VPS26C: variants seen among roughly 807,000 people sequenced by gnomAD.
VPS26C encodes vacuolar protein sorting-associated protein 26C.
Under a neutral mutation model 30.6 loss-of-function variants are expected in VPS26C, and 19 were observed. The observed-to-expected ratio is 0.62, with a 90% CI of 0.43 to 0.91. VPS26C has a LOEUF of 0.91. VPS26C is among the 40% of genes least tolerant of loss of function. The pLI is 0.00. For missense variants in VPS26C, 318 were observed against 385.1 expected, an observed-to-expected ratio of 0.83 and a Z score of 1.46; for synonymous variants, 132 against 151.5, an observed-to-expected ratio of 0.87 and a Z score of 0.95.
At chr21:37,260,002 T>G (rs894673215) in intron 1 of VPS26C, among the ~76,000 whole-genome samples, 1 of 152,216 alleles carries the variant, frequency 6.6e-6, no homozygotes, top group Non-Finnish European at 1.5e-5. Context: ...ATTTAATTTT[T>G]AAAATACAAC....
rs1602286057 is a variant in VPS26C, at chr21:37,257,490, G to A, written c.57+9748C>T. ...TTTTCTGAACGGAAGCTTAAACCTA[G>A]AAAAGTAACTGGGTTGGGGTGGGGG... On this transcript the variant is annotated intron_variant, in intron 1 of 7. Coordinates refer to ENST00000309117, the MANE Select transcript of VPS26C (RefSeq NM_006052.2). The surrounding 1 kb of genome is among the most constrained non-coding windows in gnomAD (Gnocchi z 4.2). 1.3e-5 allele frequency among the ~76,000 whole-genome samples: 2 copies of A among 152,218 alleles called. No homozygotes were observed. Among genetic ancestry groups the A allele is most frequent in the Admixed American group, 1.3e-4 (2 of 15,286 alleles).
chr21:37,235,061 C>T (rs561494122), intron 3 of VPS26C, among the ~76,000 whole-genome samples: 117 of 151,662 alleles, frequency 7.7e-4, no homozygotes, highest in African/African-American at 1.9e-3. Flanking sequence ...GGCTGGAGTG[C>T]GATGGCGTGA....
intron 3 of VPS26C, among the ~76,000 whole-genome samples, chr21:37,236,973 A>G (rs1219127044): frequency 6.6e-6 from 1 of 152,146 alleles, no homozygotes; most frequent in Non-Finnish European, 1.5e-5. Flanking sequence ...TAGAGATGAG[A>G]TCTTGCGTTG....
rs1167021756 is a variant in VPS26C, at chr21:37,223,884, G to A, written c.*1660C>T. On this transcript the variant is annotated 3_prime_UTR_variant, in exon 8 of 8. Coordinates refer to ENST00000309117, the MANE Select transcript of VPS26C (RefSeq NM_006052.2). ...ATGAAAAGTACAAAAGAAGGCTAGT[G>A]TGTGTGCAAAGCAGCATGGCTTATT... 1 of 152,232 alleles carries A rather than the reference G, an allele frequency of 6.6e-6. No homozygotes were observed. The highest frequency in any genetic ancestry group is 1.5e-5 in the Non-Finnish European group (1 of 68,040). The allele number at this position is 152,232 out of a possible 1,614,324, so 9.4% of individuals were successfully genotyped here.
intron 1 of VPS26C, among the ~76,000 whole-genome samples, chr21:37,265,335 A>G (rs545115304): frequency 6.6e-5 from 10 of 152,354 alleles, no homozygotes; most frequent in Non-Finnish European, 1.3e-4. Context: ...AGACCCATGT[A>G]GCTTTTAACT....
chr21:37,252,609 A>G lies in VPS26C; in HGVS notation c.58-11970T>C, dbSNP rs539726171. 2.0e-5 allele frequency among the ~76,000 whole-genome samples: 3 copies of G among 152,342 alleles called. No individual in the cohort carries two copies. In the East Asian group the frequency reaches 5.8e-4, roughly 29 times the overall value. ...TTCCTAGATTTTAAAACCCAAGTGA[A>G]ATGAAAGCTATGTTCACACAAAAAT... On this transcript the variant is annotated intron_variant, in intron 1 of 7. Coordinates refer to ENST00000309117, the MANE Select transcript of VPS26C (RefSeq NM_006052.2).
chr21:37,258,198 C>T (rs1041655714), intron 1 of VPS26C, among the ~76,000 whole-genome samples: 2 of 152,230 alleles, frequency 1.3e-5, no homozygotes, highest in African/African-American at 4.8e-5. Flanking sequence ...GCCTCCGCCC[C>T]GGCGTCCGGC....
At chr21:37,246,324 C>A (rs1260549984) in intron 1 of VPS26C, among the ~76,000 whole-genome samples, 1 of 151,976 alleles carries the variant, frequency 6.6e-6, no homozygotes, top group Non-Finnish European at 1.5e-5. Flanking sequence ...AATGATACAA[C>A]AATGCTCAAG....
In VPS26C at chr21:37,225,453, T is replaced by C; in HGVS notation, c.*91A>G. 4 of 1,079,324 alleles carry C rather than the reference T, an allele frequency of 3.7e-6. No homozygotes were observed. The highest frequency in any genetic ancestry group is 2.1e-4 in the Middle Eastern group (1 of 4,878). The allele number at this position is 1,079,324 out of a possible 1,614,324, so 66.9% of individuals were successfully genotyped here. A position where few individuals can be genotyped will look rare whatever the true frequency, so the allele number is the denominator to read the frequency against. On this transcript the variant is annotated 3_prime_UTR_variant, in exon 8 of 8. Transcript: ENST00000309117. Reference sequence around the variant, plus strand: ...TACAGAATAATCACAAAAACAAGTATATGCCGCTGGCTGTAGCTCCCCTTA... The same window carrying C: ...TACAGAATAATCACAAAAACAAGTACATGCCGCTGGCTGTAGCTCCCCTTA...
At position 37,225,519 on chromosome 21, in the gene VPS26C, G is replaced by A. The variant is rs748186046; in HGVS notation, c.*25C>T. The A allele has an allele frequency of 3.9e-5, 63 of 1,605,962 alleles. No homozygotes were observed. Among genetic ancestry groups the A allele is most frequent in the South Asian group, 2.2e-4 (20 of 90,886 alleles). On this transcript the variant is annotated 3_prime_UTR_variant, in exon 8 of 8. Coordinates refer to ENST00000309117, the MANE Select transcript of VPS26C (RefSeq NM_006052.2). ...GCTGGATTTCCAGATGGCCACTCCC[G>A]TTCTCTATGCTTCCCTCCTCCGGGC...
chr21:37,235,339 G>A (rs2086008902), intron 3 of VPS26C, among the ~76,000 whole-genome samples: 1 of 151,926 alleles, frequency 6.6e-6, no homozygotes, highest in Non-Finnish European at 1.5e-5. Context: ...TCACCATGTT[G>A]GCCAGGCTGG....
intron 1 of VPS26C, among the ~76,000 whole-genome samples, chr21:37,253,998 G>A (rs910568988): frequency 6.6e-6 from 1 of 152,130 alleles, no homozygotes; most frequent in African/African-American, 2.4e-5. Context: ...CATTCGTTTG[G>A]AACTACTGGC....
rs1446954180 is a variant in VPS26C, at chr21:37,225,311, G to A, written c.*233C>T. 1.8e-6 allele frequency: 1 copy of A among 555,836 alleles called. No homozygotes were observed. Among genetic ancestry groups the A allele is most frequent in the African/African-American group, 1.9e-5 (1 of 53,300 alleles). The allele number at this position is 555,836 out of a possible 1,614,324, so 34.4% of individuals were successfully genotyped here. ...TTCTGTGAAATGGTCTTGGCAAATA[G>A]CATTAAGAAATCTTGTTGAATTTCA... On this transcript the variant is annotated 3_prime_UTR_variant, in exon 8 of 8. Transcript: ENST00000309117.
At chr21:37,238,399 C>T (rs993045931) in intron 3 of VPS26C, 61 bp downstream of exon 3, 1 of 1,574,498 alleles carries the variant, frequency 6.4e-7, no homozygotes, top group African/African-American at 1.4e-5. Flanking sequence ...GAGAGAAAGA[C>T]CACACCGTTT....
intron 4 of VPS26C, 132 bp from the exon 5 acceptor site, chr21:37,232,583 AG>A: frequency 1.3e-6 from 1 of 748,134 alleles, no homozygotes; most frequent in Non-Finnish European, 2.3e-6. Context: ...AAGAGGCGCA[AG>A]CCTGGGTCCT....
intron 5 of VPS26C, among the ~76,000 whole-genome samples, chr21:37,230,142 C>A (rs193192544): frequency 6.6e-6 from 1 of 152,166 alleles, no homozygotes; most frequent in East Asian, 1.9e-4. Flanking sequence ...GGTGGGATTC[C>A]AGGCATGATC....
chr21:37,261,764 G>A (rs1356955378), intron 1 of VPS26C: 2 of 151,732 alleles, frequency 1.3e-5, no homozygotes, highest in Admixed American at 6.6e-5. Context: ...GCATTATCTC[G>A]GGGTCCTCTG....
At chr21:37,263,162 C>G (rs772396914) in intron 1 of VPS26C, among the ~76,000 whole-genome samples, 15 of 151,998 alleles carry the variant, frequency 9.9e-5, no homozygotes, top group South Asian at 2.1e-4. Context: ...AAAAAAAGGT[C>G]AATTTTAAAT....
At chr21:37,255,011 C>A (rs1001590308) in intron 1 of VPS26C, among the ~76,000 whole-genome samples, 6 of 152,092 alleles carry the variant, frequency 3.9e-5, no homozygotes, top group Admixed American at 2.6e-4. Flanking sequence ...GGGCACTGTT[C>A]ATGGGGCAGC....
Sources: gnomAD v4.1 joint callset for allele counts (sites outside exome capture counted in the v4.1 genomes callset) on GRCh38, gnomAD v4.1.1 for gene constraint, Gnocchi (gnomAD v3.1) non-coding constraint, MANE v1.5 for transcripts, NCBI Gene and HGNC (gene_info 2026-07-23, HGNC 2026-07-21) for gene names.